The following JMJD8 variants were observed in gnomAD, a reference collection of about 807,000 sequenced individuals.
The protein encoded by JMJD8 is jumonji domain containing 8.
A neutral mutation model predicts 37.6 loss-of-function variants in JMJD8; 56 were observed. The ratio of observed to expected loss-of-function variants is 1.49; its 90% CI spans 1.20 to 1.86. The LOEUF (loss-of-function observed/expected upper bound fraction) is 1.86, where lower values mean the gene tolerates loss of function less well. Ranked by LOEUF, JMJD8 falls within the 40% of genes most tolerant of loss-of-function variation. JMJD8 has a pLI of 0.00. For synonymous variants in JMJD8, 261 were observed against 163.7 expected (o/e 1.59, Z -4.54); for missense variants, 542 against 362.7 (o/e 1.49, Z -4.01).
In JMJD8 at chr16:683,203, A is replaced by G. The variant is rs2039759956; in HGVS notation, c.543T>C (p.His181=). The G allele has an allele frequency of 1.9e-6, 3 of 1,613,184 alleles. No individual in the cohort carries two copies. Among genetic ancestry groups the G allele is most frequent in the East Asian group, 2.2e-5 (1 of 44,884 alleles). ...AGATCACTTCTGAGTACCCGGGTCC[A>G]TGCCAGTGGAAGGGCACCCCCGAGC... ...GAGSGVPFHW[H]GPGYSEVIYG... The change falls in exon 7 of 9, where the codon CAT becomes CAC. Residue 181 remains histidine (H), a synonymous_variant. Coordinates refer to ENST00000609261, the MANE Select transcript of JMJD8 (RefSeq NM_001005920.4).
At position 682,272 on chromosome 16, in the gene JMJD8, G is replaced by A. The variant is rs948900297; in HGVS notation, c.*522C>T. The stretch of plus-strand genomic sequence containing the variant: ...CCTACGACCGCAAGGACATCGAGGA[G>A]CACCTGCAGGTGAGGCCTGCGGCTG... On this transcript the variant is annotated 3_prime_UTR_variant, in exon 9 of 9. Coordinates refer to ENST00000609261, the MANE Select transcript of JMJD8 (RefSeq NM_001005920.4). 2 of 1,589,122 alleles carry A rather than the reference G, an allele frequency of 1.3e-6. No homozygotes were observed. Among genetic ancestry groups the A allele is most frequent in the Admixed American group, 1.7e-5 (1 of 57,576 alleles).
chr16:683,166 C>A lies in JMJD8; in HGVS notation c.579+1G>T, dbSNP rs1325992058. 1.9e-6 allele frequency: 3 copies of A among 1,613,338 alleles called. No individual in the cohort carries two copies. The highest frequency in any genetic ancestry group is 1.7e-6 in the Non-Finnish European group (2 of 1,179,892). The stretch of plus-strand genomic sequence containing the variant: ...AGCCTCAACCCCCACCCCGTGCTGA[C>A]CTTACGACCGTAGATCACTTCTGAG... On this transcript the variant is annotated splice_donor_variant, in intron 7 of 8. Coordinates refer to ENST00000609261, the MANE Select transcript of JMJD8 (RefSeq NM_001005920.4). LOFTEE classifies it high-confidence loss of function.
chr16:682,453 A>G lies in JMJD8; in HGVS notation c.*341T>C. The G allele has an allele frequency of 6.2e-7, 1 of 1,613,486 alleles. No homozygotes were observed. Among genetic ancestry groups the G allele is most frequent in the Non-Finnish European group, 8.5e-7 (1 of 1,180,020 alleles). On this transcript the variant is annotated 3_prime_UTR_variant, in exon 9 of 9. Coordinates refer to ENST00000609261, the MANE Select transcript of JMJD8 (RefSeq NM_001005920.4). ...TGGCTATGAAGGAGGTTATTGACGC[A>G]TTCATCTCTGAGAATGGCTGGGTGG... is the stretch of plus-strand genomic sequence containing the variant.
In JMJD8 at chr16:683,073, G is replaced by T; in HGVS notation, c.594C>A (p.Tyr198Ter). The T allele has an allele frequency of 2.5e-6, 4 of 1,613,622 alleles. No individual in the cohort carries two copies. The highest frequency in any genetic ancestry group is 2.5e-6 in the Non-Finnish European group (3 of 1,179,870). ...GGAACTCTGGCGTCTTCTCAGGTGG[G>T]TAAAGGAACCAGCGCTGGGGGCATG... Reference protein sequence around the residue: ...VIYGRKRWFLYPPEKTPEFHP... With the variant: ...VIYGRKRWFL The change falls in exon 8 of 9, where the codon TAC (tyrosine) becomes TAA (stop). Residue 198 changes from tyrosine (Y) to a stop codon, truncating the protein, a stop_gained. Coordinates refer to ENST00000609261, the MANE Select transcript of JMJD8 (RefSeq NM_001005920.4). LOFTEE classifies it high-confidence loss of function.
rs760890182 is a variant in JMJD8 at position 684,094 on chromosome 16, C to T, written c.148G>A (p.Asp50Asn). 6.4e-7 allele frequency: 1 copy of T among 1,572,336 alleles called. No individual in the cohort carries two copies. Among genetic ancestry groups the T allele is most frequent in the Non-Finnish European group, 8.6e-7 (1 of 1,167,772 alleles). The change falls in exon 2 of 9, where the codon GAC (aspartate) becomes AAC (asparagine). Residue 50 changes from aspartate (D) to asparagine (N), a missense_variant. Physicochemically the swap from Asp to Asn is conservative, Grantham distance 23. Coordinates refer to ENST00000609261, the MANE Select transcript of JMJD8 (RefSeq NM_001005920.4). ...EERCTVERRA[D>N]LTYAEFVQQY... ...TGCACGAACTCCGCGTAGGTGAGGT[C>T]GGCCCGACGCTCCACCGTGCAGCGC...
chr16:683,619 A>G lies in JMJD8; in HGVS notation c.323-21T>C, dbSNP rs1367681441. On this transcript the variant is annotated intron_variant, in intron 4 of 8. Coordinates refer to ENST00000609261, the MANE Select transcript of JMJD8 (RefSeq NM_001005920.4). ...GTCCACTGCAGGAAAGAGACGGGTC[A>G]GGACCGTCTGGTCCAGCCGCCCCGG... 8.2e-6 allele frequency: 13 copies of G among 1,576,342 alleles called. No homozygotes were observed. In the Admixed American group the frequency reaches 1.3e-4, roughly 16 times the overall value.
chr16:681,801 A>G lies in JMJD8; in HGVS notation c.*993T>C. ...TCCTGGTCAACCCCCAGGGAGCTGG[A>G]AGAGTGCCAGCGAAACCACGAGGGT... On this transcript the variant is annotated 3_prime_UTR_variant, in exon 9 of 9. Coordinates refer to ENST00000609261, the MANE Select transcript of JMJD8 (RefSeq NM_001005920.4). 6.3e-7 allele frequency: 1 copy of G among 1,599,566 alleles called. No homozygotes were observed. The highest frequency in any genetic ancestry group is 8.5e-7 in the Non-Finnish European group (1 of 1,170,136).
rs745809042 is a variant in JMJD8 at position 682,085 on chromosome 16, G to T, written c.*709C>A. On this transcript the variant is annotated 3_prime_UTR_variant, in exon 9 of 9. Coordinates refer to ENST00000609261, the MANE Select transcript of JMJD8 (RefSeq NM_001005920.4). ...TGGATGAGAAGAGGAAGGTGAGTGT[G>T]TGTCGCTTGCTGCCGATGGCTGGCA... is the stretch of plus-strand genomic sequence containing the variant. 5.7e-6 allele frequency: 9 copies of T among 1,581,836 alleles called. No homozygotes were observed. In the Admixed American group the frequency reaches 1.2e-4, roughly 21 times the overall value.
rs769775927 is a variant in JMJD8, at chr16:681,773, G to A, written c.*1021C>T. ...CATCTGGCCAGGTCCATCTCTGACCGGCTCCTGGTCAACCCCCAGGGAGCT... is the reference window on the plus strand; with the variant it reads ...CATCTGGCCAGGTCCATCTCTGACCAGCTCCTGGTCAACCCCCAGGGAGCT... On this transcript the variant is annotated 3_prime_UTR_variant, in exon 9 of 9. Transcript: ENST00000609261. The A allele has an allele frequency of 9.5e-6, 15 of 1,580,838 alleles. No individual in the cohort carries two copies. The highest frequency in any genetic ancestry group is 8.6e-5 in the Admixed American group (5 of 58,458).
rs191288334 is a variant in JMJD8 at position 681,789 on chromosome 16, C to G, written c.*1005G>C. 1.8e-5 allele frequency: 28 copies of G among 1,593,036 alleles called. No individual in the cohort carries two copies. Among genetic ancestry groups the G allele is most frequent in the Non-Finnish European group, 2.4e-5 (28 of 1,166,160 alleles). On this transcript the variant is annotated 3_prime_UTR_variant, in exon 9 of 9. Transcript: ENST00000609261. ...TCTCTGACCGGCTCCTGGTCAACCC[C>G]CAGGGAGCTGGAAGAGTGCCAGCGA...
In JMJD8 at chr16:682,064, TGAG is replaced by T. The variant is rs765708884; in HGVS notation, c.*727_*729del. On this transcript the variant is annotated 3_prime_UTR_variant, in exon 9 of 9. Coordinates refer to ENST00000609261, the MANE Select transcript of JMJD8 (RefSeq NM_001005920.4). ...TGGACGAGCTTTTTTCTCAGGTGGATGAGAAGAGGAAGGTGAGTGTGTGTCGCT... is the reference window on the plus strand; with the variant it reads ...TGGACGAGCTTTTTTCTCAGGTGGATAAGAGGAAGGTGAGTGTGTGTCGCT... 6.3e-7 allele frequency: 1 copy of T among 1,583,810 alleles called. No homozygotes were observed. The highest frequency in any genetic ancestry group is 2.3e-5 in the East Asian group (1 of 44,272).
In JMJD8 at chr16:683,371, G is replaced by C; in HGVS notation, c.462C>G (p.Pro154=). The change falls in exon 6 of 9, where the codon CCC becomes CCG. Residue 154 remains proline (P), a synonymous_variant. Coordinates refer to ENST00000609261, the MANE Select transcript of JMJD8 (RefSeq NM_001005920.4). ...GAGCGGTTCCCAGCAGGCCAAATGG[G>C]GGTGGGGAGTAGTGCCGAAAGAGAG... ...WASLFRHYSP[P]PFGLLGTAPA... is the part of the protein sequence containing the mutation. The C allele has an allele frequency of 6.4e-7, 1 of 1,559,456 alleles. No individual in the cohort carries two copies. The highest frequency in any genetic ancestry group is 8.7e-7 in the Non-Finnish European group (1 of 1,151,370).
chr16:681,922 A>T lies in JMJD8; in HGVS notation c.*872T>A. ...CCCACATGTGGGTCTGTGTGTGTGC[A>T]CGTGGCGTGGGAGCATCCCCGCCTT... On this transcript the variant is annotated 3_prime_UTR_variant, in exon 9 of 9. Coordinates refer to ENST00000609261, the MANE Select transcript of JMJD8 (RefSeq NM_001005920.4). 6.2e-7 allele frequency: 1 copy of T among 1,612,784 alleles called. No individual in the cohort carries two copies. The highest frequency in any genetic ancestry group is 1.7e-5 in the Admixed American group (1 of 60,024).
intron 3 of JMJD8, 23 bp from the exon 4 acceptor site, chr16:683,804 TAGTGGCCGGGCCCAGCACGGGCGAG>T (rs1021449902): frequency 4.7e-5 from 75 of 1,592,132 alleles, no homozygotes; most frequent in Non-Finnish European, 5.6e-5. Flanking sequence ...GGAGGGGACT[TAGTGGCCGGGCCCAGCACGGGCGAG>T]AGTGGCCGGG....
rs939644410 is a variant in JMJD8 at position 683,404 on chromosome 16, C to T, written c.429G>A (p.Glu143=). The T allele has an allele frequency of 4.5e-6, 7 of 1,553,400 alleles. No homozygotes were observed. The African/African-American group carries it at 5.5e-5, about 12-fold the overall frequency. Residue 143 remains glutamate (E), a synonymous_variant, in exon 6 of 9, where the codon GAG becomes GAA. Transcript: ENST00000609261. ...LYFFGDNNFT[E]WASLFRHYSP... ...AGTAGTGCCGAAAGAGAGAGGCCCACTCGGTGAAGTTGTTGTCCCCGAAGA... is the reference window on the plus strand; with the variant it reads ...AGTAGTGCCGAAAGAGAGAGGCCCATTCGGTGAAGTTGTTGTCCCCGAAGA...
Position 682,353 on chromosome 16 carries a change from T to G in JMJD8, c.*441A>C, listed in dbSNP as rs781235043. On this transcript the variant is annotated 3_prime_UTR_variant, in exon 9 of 9. Coordinates refer to ENST00000609261, the MANE Select transcript of JMJD8 (RefSeq NM_001005920.4). ...CCCCATGACTGCCCTCTGCCCTTCT[T>G]GTCACTGCAGCGTGTGGGTCATTTT... 6.2e-7 allele frequency: 1 copy of G among 1,613,144 alleles called. No homozygotes were observed. The highest frequency in any genetic ancestry group is 1.1e-5 in the South Asian group (1 of 91,086).
chr16:684,146 G>C lies in JMJD8; in HGVS notation c.96C>G (p.Gly32=). The stretch of plus-strand genomic sequence containing the variant: ...CCTCCTCCGCCACGGCCCCCGGCCC[G>C]CCCGGGCGCCTGCGGGCACAGCTGG... ...GAEGDGGWRP[G]GPGAVAEEER... is the part of the protein sequence containing the mutation. The change falls in exon 2 of 9, where the codon GGC becomes GGG. Residue 32 remains glycine, a synonymous_variant. Transcript: ENST00000609261. 2 of 1,482,486 alleles carry C rather than the reference G, an allele frequency of 1.3e-6. No homozygotes were observed. Among genetic ancestry groups the C allele is most frequent in the South Asian group, 1.3e-5 (1 of 78,498 alleles). 91.8% of individuals were successfully genotyped at this position (1,482,486 alleles called of 1,614,324 possible). A position where few individuals can be genotyped will look rare whatever the true frequency, so the allele number is the denominator to read the frequency against.
chr16:682,364 C>G lies in JMJD8; in HGVS notation c.*430G>C. The G allele has an allele frequency of 1.2e-6, 2 of 1,613,178 alleles. No individual in the cohort carries two copies. Among genetic ancestry groups the G allele is most frequent in the Non-Finnish European group, 1.7e-6 (2 of 1,179,996 alleles). ...CCCTCTGCCCTTCTTGTCACTGCAG[C>G]GTGTGGGTCATTTTGACCCCGTGAC... is the stretch of plus-strand genomic sequence containing the variant. On this transcript the variant is annotated 3_prime_UTR_variant, in exon 9 of 9. Transcript: ENST00000609261.
At position 683,468 on chromosome 16, in the gene JMJD8, G is replaced by C. The variant is rs1036567288; in HGVS notation, c.392-27C>G. On this transcript the variant is annotated intron_variant, in intron 5 of 8. Transcript: ENST00000609261. Reference sequence around the variant, plus strand: ...TGCCAACAGAGACGGCGGGGACAGGGATCCTGGCACCTGGAGACTCCAAGC... The same window carrying C: ...TGCCAACAGAGACGGCGGGGACAGGCATCCTGGCACCTGGAGACTCCAAGC... 9.0e-6 allele frequency: 14 copies of C among 1,549,694 alleles called. No individual in the cohort carries two copies. In the Admixed American group the frequency reaches 2.5e-4, roughly 28 times the overall value.
Sources: gnomAD v4.1 joint callset for allele counts on GRCh38, gnomAD v4.1.1 for gene constraint, MANE v1.5 for transcripts, NCBI Gene and HGNC (gene_info 2026-07-23, HGNC 2026-07-21) for gene names.